The following SLC39A10 variants were observed in gnomAD, a reference collection of about 807,000 sequenced individuals.
The protein encoded by SLC39A10 is zinc transporter ZIP10.
A neutral mutation model predicts 65.1 loss-of-function variants in SLC39A10; 13 were observed. The observed-to-expected ratio is 0.20, with a 90% CI of 0.13 to 0.32. The LOEUF (loss-of-function observed/expected upper bound fraction) is 0.32. Ranked by LOEUF, SLC39A10 falls within the 10% of genes least tolerant of loss-of-function variation. SLC39A10 has a pLI of 1.00. For synonymous variants in SLC39A10, 321 were observed against 342.2 expected (o/e 0.94, Z 0.68); for missense variants, 831 against 1,018.4 (o/e 0.82, Z 2.50).
At chr2:195,690,326 G>A (rs946166235) in intron 3 of SLC39A10, among the ~76,000 whole-genome samples, 5 of 151,968 alleles carry the variant, frequency 3.3e-5, no homozygotes, top group African/African-American at 9.7e-5. Flanking sequence ...TGTGAATAAT[G>A]TTGCTGTGAA....
chr2:195,691,362 T>TC (rs1292147978), intron 3 of SLC39A10, among the ~76,000 whole-genome samples: 1 of 152,198 alleles, frequency 6.6e-6, no homozygotes, highest in African/African-American at 2.4e-5. Context: ...TGACTTTTTT[T>TC]CCCCTGGGTA....
chr2:195,695,027 T>A (rs1690892077), intron 3 of SLC39A10, among the ~76,000 whole-genome samples: 1 of 152,096 alleles, frequency 6.6e-6, no homozygotes, highest in Non-Finnish European at 1.5e-5. Context: ...CAGGTAGGCA[T>A]CCCAGATTCC....
At chr2:195,696,223 C>A (rs1690951605) in intron 3 of SLC39A10, among the ~76,000 whole-genome samples, 1 of 151,330 alleles carries the variant, frequency 6.6e-6, no homozygotes, top group African/African-American at 2.4e-5. Context: ...AGTGTGAGTC[C>A]TCCAGTTCTG....
chr2:195,646,996 A>C (rs1273712252), intron 2 of SLC39A10, among the ~76,000 whole-genome samples: 1 of 152,082 alleles, frequency 6.6e-6, no homozygotes, highest in Non-Finnish European at 1.5e-5. Flanking sequence ...GCATCATTTT[A>C]TCTCTCTGAG....
intron 2 of SLC39A10, among the ~76,000 whole-genome samples, chr2:195,620,942 A>G (rs1315967511): frequency 6.6e-6 from 1 of 152,144 alleles, no homozygotes; most frequent in Non-Finnish European, 1.5e-5. Flanking sequence ...ATTTCCTCTC[A>G]TATCTCTGCC....
intron 2 of SLC39A10, among the ~76,000 whole-genome samples, chr2:195,681,465 C>T (rs1690319331): frequency 6.6e-6 from 1 of 151,992 alleles, no homozygotes; most frequent in Admixed American, 6.6e-5. Flanking sequence ...GCAGAGGTTG[C>T]AGTGAGCCGA....
chr2:195,689,693 A>G (rs1302146154), intron 3 of SLC39A10, among the ~76,000 whole-genome samples: 3 of 152,176 alleles, frequency 2.0e-5, no homozygotes, highest in African/African-American at 7.2e-5. Context: ...CCAAAGCTCT[A>G]TACCCATTAA....
At chr2:195,660,839 C>A (rs1025410444) in intron 1 of SLC39A10, among the ~76,000 whole-genome samples, 1 of 152,108 alleles carries the variant, frequency 6.6e-6, no homozygotes, top group African/African-American at 2.4e-5. Flanking sequence ...AATCTACTTT[C>A]TAGATTAATT....
chr2:195,657,623 C>T lies in SLC39A10; in HGVS notation c.-12+342C>T, dbSNP rs1371531125. 4 of 985,118 alleles carry T rather than the reference C, an allele frequency of 4.1e-6. No homozygotes were observed. In the African/African-American group the frequency reaches 7.0e-5, roughly 17 times the overall value. 61.0% of individuals were successfully genotyped at this position (985,118 alleles called of 1,614,324 possible). ...CTTCCTGTGGAGGTTGGCGGAGCCTCGCGGGCCGCGCCCGGGGTGGGGGAG... is the reference window on the plus strand; with the variant it reads ...CTTCCTGTGGAGGTTGGCGGAGCCTTGCGGGCCGCGCCCGGGGTGGGGGAG... On this transcript the variant is annotated intron_variant, in intron 1 of 9. Coordinates refer to ENST00000359634, the MANE Select transcript of SLC39A10 (RefSeq NM_020342.3).
At position 195,695,292 on chromosome 2, in the gene SLC39A10, G is replaced by A. The variant is rs536143019; in HGVS notation, c.1217-11324G>A. ...GCTTCCTGTGGCCGCTGTGGGGGATGGGGATGTGGTTCCCAGGCCAATGGA... is the reference window on the plus strand; with the variant it reads ...GCTTCCTGTGGCCGCTGTGGGGGATAGGGATGTGGTTCCCAGGCCAATGGA... On this transcript the variant is annotated intron_variant, in intron 3 of 9. Coordinates refer to ENST00000359634, the MANE Select transcript of SLC39A10 (RefSeq NM_020342.3). Among the ~76,000 whole-genome samples the A allele has an allele frequency of 4.8e-3, 732 of 152,282 alleles. 9 individuals are homozygous for A. The highest frequency in any genetic ancestry group is 0.017 in the African/African-American group (686 of 41,530).
chr2:195,697,046 A>T (rs1690993056), intron 3 of SLC39A10, among the ~76,000 whole-genome samples: 1 of 152,118 alleles, frequency 6.6e-6, no homozygotes, highest in Non-Finnish European at 1.5e-5. Flanking sequence ...CATCATCTTC[A>T]TGTTGAGTAG....
chr2:195,614,387 A>G (rs2105679187), intron 2 of SLC39A10, among the ~76,000 whole-genome samples: 1 of 152,222 alleles, frequency 6.6e-6, no homozygotes, highest in East Asian at 1.9e-4. Context: ...TTAAGCATGT[A>G]AGCTCTACTT....
intron 3 of SLC39A10, among the ~76,000 whole-genome samples, chr2:195,687,679 A>G (rs1311636540): frequency 6.6e-6 from 1 of 152,234 alleles, no homozygotes; most frequent in Non-Finnish European, 1.5e-5. Context: ...TTTAATGACT[A>G]CTGCACCATT....
At chr2:195,715,992 A>G (rs1691793454) in intron 6 of SLC39A10, among the ~76,000 whole-genome samples, 1 of 152,226 alleles carries the variant, frequency 6.6e-6, no homozygotes, top group Non-Finnish European at 1.5e-5. Flanking sequence ...GGCAGTCAAC[A>G]CTACAGTTAG....
At chr2:195,723,912 A>G (rs1692142045) in intron 8 of SLC39A10, among the ~76,000 whole-genome samples, 1 of 152,160 alleles carries the variant, frequency 6.6e-6, no homozygotes, top group South Asian at 2.1e-4. Flanking sequence ...TTCTAAAATA[A>G]AAGTTGAAAA....
At chr2:195,648,314 T>C (rs1175806464) in intron 2 of SLC39A10, among the ~76,000 whole-genome samples, 2 of 152,158 alleles carry the variant, frequency 1.3e-5, no homozygotes, top group Non-Finnish European at 1.5e-5. Context: ...GCTTCTTATA[T>C]CAAGACTGTG....
intron 2 of SLC39A10, among the ~76,000 whole-genome samples, chr2:195,621,035 T>G (rs1403217939): frequency 1.3e-5 from 2 of 152,218 alleles, no homozygotes; most frequent in Admixed American, 6.5e-5. Context: ...AGTCTGGATC[T>G]AATATTTTTC....
intron 1 of SLC39A10, 151 bp downstream of exon 1, chr2:195,657,432 G>C (rs1015940812): frequency 6.2e-5 from 61 of 985,790 alleles, no homozygotes; most frequent in Non-Finnish European, 7.2e-5. Flanking sequence ...GCGGGCGCTG[G>C]GGTTCCCGCA....
At chr2:195,656,646 T>TA (rs1689150471), upstream of SLC39A10, 2 of 152,228 alleles carry the variant, frequency 1.3e-5, no homozygotes, top group Admixed American at 1.3e-4. Context: ...TAGCACTAAA[T>TA]AAAGTTCGCT....
Sources: gnomAD v4.1 joint callset for allele counts (sites outside exome capture counted in the v4.1 genomes callset) on GRCh38, gnomAD v4.1.1 for gene constraint, MANE v1.5 for transcripts, NCBI Gene and HGNC (gene_info 2026-07-23, HGNC 2026-07-21) for gene names.